Variants in TMEM131 observed in about 807,000 individuals in gnomAD.
TMEM131 encodes 2610524E03Rik.
Under a neutral mutation model 211.6 loss-of-function variants are expected in TMEM131, and 66 were observed. The observed-to-expected ratio is 0.31, with a 90% CI of 0.26 to 0.38. The LOEUF is 0.38. TMEM131 is among the 10% of genes least tolerant of loss of function. The pLI, the probability that TMEM131 is intolerant of heterozygous loss-of-function variation, is 1.00. For missense variants in TMEM131, 2,036 were observed against 2,299.3 expected (o/e 0.89, Z 2.34); for synonymous variants, 844 against 841.3 (o/e 1.00, Z -0.06).
At chr2:97,829,888 C>A (rs1209348691) in intron 11 of TMEM131, among the ~76,000 whole-genome samples, 1 of 152,068 alleles carries the variant, frequency 6.6e-6, no homozygotes, top group African/African-American at 2.4e-5. Context: ...TCAGCCTGTA[C>A]AACACCAAGC....
At chr2:97,894,307 G>A (rs554271109) in intron 3 of TMEM131, among the ~76,000 whole-genome samples, 27 of 152,260 alleles carry the variant, frequency 1.8e-4, no homozygotes, top group Non-Finnish European at 3.5e-4. Flanking sequence ...TTGAAGTCAG[G>A]TAGCATGATG....
At chr2:97,923,058 G>A (rs1332331113) in intron 2 of TMEM131, among the ~76,000 whole-genome samples, 2 of 152,100 alleles carry the variant, frequency 1.3e-5, no homozygotes, top group African/African-American at 4.8e-5. Context: ...GGAGGCCAAA[G>A]CAGGTGGATC....
chr2:97,902,986 G>A (rs894062466), intron 3 of TMEM131, among the ~76,000 whole-genome samples: 33 of 152,084 alleles, frequency 2.2e-4, no homozygotes, highest in African/African-American at 7.0e-4. Flanking sequence ...CCTTGTGATC[G>A]TGTAAATTAA....
chr2:97,761,805 A>G (rs1305402426), intron 36 of TMEM131: 3 of 480,860 alleles, frequency 6.2e-6, no homozygotes, highest in Non-Finnish European at 1.1e-5. Flanking sequence ...CTCGGTCCAC[A>G]GGTGGTAAGA....
intron 31 of TMEM131, among the ~76,000 whole-genome samples, chr2:97,789,544 G>A (rs1389113795): frequency 6.6e-6 from 1 of 152,222 alleles, no homozygotes; most frequent in African/African-American, 2.4e-5. Context: ...GTTAGTAAGG[G>A]AGCGGAGTCA....
intron 4 of TMEM131, among the ~76,000 whole-genome samples, chr2:97,885,420 T>G (rs778527408): frequency 5.2e-5 from 5 of 96,768 alleles, no homozygotes; most frequent in Admixed American, 1.8e-4. Context: ...GGTCTTGATC[T>G]CCTGACCTTG....
At chr2:97,956,460 T>C (rs1678570875) in intron 1 of TMEM131, among the ~76,000 whole-genome samples, 1 of 152,212 alleles carries the variant, frequency 6.6e-6, no homozygotes, top group Non-Finnish European at 1.5e-5. Context: ...TCCTATTACT[T>C]TGATCAAAGT....
At chr2:97,927,338 G>C in intron 2 of TMEM131, 88 bp downstream of exon 2, 1 of 1,008,414 alleles carries the variant, frequency 9.9e-7, no homozygotes, top group Non-Finnish European at 1.4e-6. Flanking sequence ...ATATATTTCA[G>C]ATAAACCAAT....
chr2:97,868,568 G>A (rs989321753), intron 4 of TMEM131, among the ~76,000 whole-genome samples: 2 of 152,074 alleles, frequency 1.3e-5, no homozygotes, highest in African/African-American at 4.8e-5. Context: ...GATCCCACAG[G>A]AGAGTTTCTC....
intron 4 of TMEM131, among the ~76,000 whole-genome samples, chr2:97,879,523 G>C (rs975210467): frequency 2.6e-5 from 4 of 152,112 alleles, no homozygotes; most frequent in African/African-American, 9.7e-5. Context: ...GTCAATAATG[G>C]TACTGTAGTT....
intron 3 of TMEM131, among the ~76,000 whole-genome samples, chr2:97,907,538 C>T (rs1312554812): frequency 2.0e-5 from 3 of 152,138 alleles, no homozygotes; most frequent in African/African-American, 7.2e-5. Flanking sequence ...ACAAATGCTT[C>T]CCTGTTCCTG....
chr2:97,981,151 A>T (rs1334489633), intron 1 of TMEM131, among the ~76,000 whole-genome samples: 2 of 151,638 alleles, frequency 1.3e-5, no homozygotes, highest in African/African-American at 4.8e-5. Context: ...TACTTTGGAA[A>T]TCACTAAAAA....
chr2:97,981,875 G>A (rs938992357), intron 1 of TMEM131, among the ~76,000 whole-genome samples: 1 of 152,104 alleles, frequency 6.6e-6, no homozygotes, highest in Non-Finnish European at 1.5e-5. Context: ...GTTGTAACAA[G>A]CATTCATAAT....
chr2:97,772,445 A>G (rs1335904871), intron 32 of TMEM131, 21 bp from the exon 33 acceptor site: 1 of 1,604,002 alleles, frequency 6.2e-7, no homozygotes, highest in Non-Finnish European at 8.5e-7. Flanking sequence ...TGGACACTTA[A>G]TTGCTGAGAA....
At position 97,814,077 on chromosome 2, in the gene TMEM131, A is replaced by T. The variant is rs375749424; in HGVS notation, c.1511T>A (p.Leu504His). The change falls in exon 15 of 41, where the codon CTT becomes CAT. Residue 504 changes from leucine to histidine, a missense_variant. Around this residue, in one of 3 missense-constraint regions of TMEM131, gnomAD observed 1,623 missense variants for 1,805.9 expected, o/e 0.90. Transcript: ENST00000186436. ...CATGGATGATGTGGAAGGCATAAAA[A>T]GCAGGGTAAAAATGTATCCTGATTC... ...PNESGYIFTL[L>H]FMPSTSSMHI... is the part of the protein sequence containing the mutation. The T allele has an allele frequency of 2.5e-6, 4 of 1,604,374 alleles. No individual in the cohort carries two copies. Among genetic ancestry groups the T allele is most frequent in the Non-Finnish European group, 2.6e-6 (3 of 1,174,654 alleles).
At chr2:97,784,821 T>C (rs1459179189) in intron 31 of TMEM131, among the ~76,000 whole-genome samples, 1 of 152,092 alleles carries the variant, frequency 6.6e-6, no homozygotes, top group African/African-American at 2.4e-5. Flanking sequence ...AGCTGTTCTT[T>C]GATTAGATCA....
At chr2:97,869,333 C>G (rs1229898179) in intron 4 of TMEM131, among the ~76,000 whole-genome samples, 1 of 152,158 alleles carries the variant, frequency 6.6e-6, no homozygotes, top group Non-Finnish European at 1.5e-5. Flanking sequence ...GGAAAAGAGA[C>G]AAGTGTGGAA....
chr2:97,972,681 G>A (rs1679361014), intron 1 of TMEM131, among the ~76,000 whole-genome samples: 1 of 152,154 alleles, frequency 6.6e-6, no homozygotes, highest in South Asian at 2.1e-4. Context: ...ATGCAATTAA[G>A]GCTCTAATCA....
Position 97,841,839 on chromosome 2 carries a change from G to A in TMEM131, c.699C>T (p.His233=), listed in dbSNP as rs374647419. The change falls in exon 7 of 41, where the codon CAC becomes CAT. Residue 233 remains histidine (H), a synonymous_variant. Coordinates refer to ENST00000186436, the MANE Select transcript of TMEM131 (RefSeq NM_015348.2). ...CCTGTAAAGGCTCACTGTGAGGATT[G>A]TGGATGTTTATTATAGGTGAGAAAC... The part of the protein sequence containing the change: ...NSSFSPIINI[H]NPHSEPLQVV... The A allele has an allele frequency of 3.1e-6, 5 of 1,598,538 alleles. No individual in the cohort carries two copies. In the African/African-American group the frequency reaches 6.7e-5, roughly 21 times the overall value.
Sources: gnomAD v4.1 joint callset for allele counts (sites outside exome capture counted in the v4.1 genomes callset) on GRCh38, gnomAD v4.1.1 for gene constraint, gnomAD v4.1.1 regional missense constraint, MANE v1.5 for transcripts, NCBI Gene and HGNC (gene_info 2026-07-23, HGNC 2026-07-21) for gene names.